AP3M2: variants seen among roughly 807,000 people sequenced by gnomAD.
AP3M2 encodes adaptor related protein complex 3 subunit mu 2.
In AP3M2, 28 loss-of-function variants were observed where a neutral mutation model predicts 41.6. That is an observed-to-expected ratio of 0.67 (90% CI 0.50 to 0.92). The LOEUF is 0.92. AP3M2 is among the 40% of genes least tolerant of loss of function. The probability of loss-of-function intolerance (pLI) is 0.00; values close to 1 mark genes in which losing one functional copy is unlikely to be tolerated. For missense variants in AP3M2, 427 were observed against 521.4 expected, an observed-to-expected ratio of 0.82 and a Z score of 1.76; for synonymous variants, 193 against 186.4, an observed-to-expected ratio of 1.04 and a Z score of -0.29.
At chr8:42,156,009 C>A (rs528889690) in intron 2 of AP3M2, 173 of 455,380 alleles carry the variant, frequency 3.8e-4, no homozygotes, top group Non-Finnish European at 5.6e-4. Flanking sequence ...AGTTCTCATG[C>A]AACATACCGG....
intron 6 of AP3M2, among the ~76,000 whole-genome samples, chr8:42,166,119 C>A (rs916702200): frequency 2.6e-5 from 4 of 152,198 alleles, no homozygotes; most frequent in African/African-American, 7.2e-5. Context: ...GGGAAAATAT[C>A]TGAGTGCTTG....
In AP3M2 at chr8:42,161,541, A is replaced by G. The variant is rs1024636573; in HGVS notation, c.446-740A>G. On this transcript the variant is annotated intron_variant, in intron 3 of 8. Coordinates refer to ENST00000396926, the MANE Select transcript of AP3M2 (RefSeq NM_006803.4). ...GGAGAATTGTTTGAACCCGGAAGGC[A>G]GAGGTTGCAGTAAGCCAAGACTGCA... Among the ~76,000 whole-genome samples the G allele has an allele frequency of 7.2e-5, 11 of 152,286 alleles. 1 individual carries two copies. In the South Asian group the frequency reaches 1.0e-3, roughly 14 times the overall value.
At chr8:42,154,569 G>A in intron 1 of AP3M2, 47 bp from the exon 2 acceptor site, 1 of 1,424,076 alleles carries the variant, frequency 7.0e-7, no homozygotes, top group Non-Finnish European at 9.4e-7. Flanking sequence ...AAGATGGGGA[G>A]GGCCTTTTGG....
Position 42,165,776 on chromosome 8 carries a change from G to C in AP3M2, c.803+216G>C. 3 of 505,066 alleles carry C rather than the reference G, an allele frequency of 5.9e-6. No individual in the cohort carries two copies. The South Asian group carries it at 9.6e-5, about 16-fold the overall frequency. 31.3% of individuals were successfully genotyped at this position (505,066 alleles called of 1,614,324 possible). On this transcript the variant is annotated intron_variant, in intron 6 of 8. Transcript: ENST00000396926. ...AATAATAAAAGTGCCTTGTTCTGAA[G>C]ATTGAATAAGAGAATCTGAATAGTG...
At chr8:42,156,404 A>G (rs1296227601) in intron 2 of AP3M2, among the ~76,000 whole-genome samples, 21 of 152,182 alleles carry the variant, frequency 1.4e-4, no homozygotes. Flanking sequence ...CTCCGGCAGC[A>G]TGATTTTTCC....
At chr8:42,167,441 A>G (rs1804671595) in intron 7 of AP3M2, 70 bp downstream of exon 7, 5 of 1,555,520 alleles carry the variant, frequency 3.2e-6, no homozygotes, top group Admixed American at 3.7e-5. Context: ...CTCTGTGTAG[A>G]CTCTAGACCT....
At chr8:42,167,393 T>G in intron 7 of AP3M2, 22 bp downstream of exon 7, 1 of 1,611,032 alleles carries the variant, frequency 6.2e-7, no homozygotes, top group Admixed American at 1.7e-5. Flanking sequence ...CAGGACATCT[T>G]GAATTGCTGA....
chr8:42,155,955 GT>G (rs923017722), intron 2 of AP3M2: 4 of 453,902 alleles, frequency 8.8e-6, no homozygotes, highest in Admixed American at 7.1e-5. Flanking sequence ...TACATTTTTT[GT>G]TTTTCCCTGC....
At chr8:42,159,169 T>A (rs1804440827) in intron 3 of AP3M2, among the ~76,000 whole-genome samples, 1 of 152,234 alleles carries the variant, frequency 6.6e-6, no homozygotes, top group Admixed American at 6.5e-5. Context: ...CTATTTATGA[T>A]GTTACTGATT....
At chr8:42,165,218 A>T in intron 5 of AP3M2, 62 bp downstream of exon 5, 8 of 1,547,786 alleles carry the variant, frequency 5.2e-6, no homozygotes, top group Non-Finnish European at 7.1e-6. Context: ...CTGGAAAGAC[A>T]GAGTAGTGGG....
rs188302619 is a variant in AP3M2 at position 42,168,561 on chromosome 8, T to C, written c.1157-400T>C. 7.9e-4 allele frequency among the ~76,000 whole-genome samples: 120 copies of C among 152,362 alleles called. 1 individual carries two copies. Among genetic ancestry groups the C allele is most frequent in the African/African-American group, 2.6e-3 (108 of 41,596 alleles). ...TCTTGGCTTAGTCTAGTGAGAATACTTAGGAAGCATTCATTTATTAATTAC... is the reference window on the plus strand; with the variant it reads ...TCTTGGCTTAGTCTAGTGAGAATACCTAGGAAGCATTCATTTATTAATTAC... On this transcript the variant is annotated intron_variant, in intron 8 of 8. Transcript: ENST00000396926.
At chr8:42,153,137 A>AG (rs36123268) in intron 1 of AP3M2, 32 bp downstream of exon 1, 15,369 of 149,898 alleles carry the variant, frequency 0.1, 994 homozygotes, top group East Asian at 0.18. Context: ...GAGCCTGGAG[A>AG]GGGGGCAGGA....
chr8:42,154,474 C>T (rs1396060438), intron 1 of AP3M2, 142 bp from the exon 2 acceptor site: 1 of 585,326 alleles, frequency 1.7e-6, no homozygotes, highest in Non-Finnish European at 2.9e-6. Context: ...GTTTCGAATT[C>T]AAGGGAGGGC....
chr8:42,159,113 T>C (rs1156438458), intron 3 of AP3M2, among the ~76,000 whole-genome samples: 1 of 152,168 alleles, frequency 6.6e-6, no homozygotes, highest in African/African-American at 2.4e-5. Flanking sequence ...TAATAATTTA[T>C]AGTTTTCTTC....
chr8:42,167,712 G>A lies in AP3M2; in HGVS notation c.1058G>A (p.Ser353Asn), dbSNP rs370011566. 2.7e-5 allele frequency: 43 copies of A among 1,613,688 alleles called. No individual in the cohort carries two copies. The African/African-American group carries it at 4.8e-4, about 18-fold the overall frequency. Reference protein sequence around the residue: ...VGKINPQKLPSLKGTMSLQAG... With the variant: ...VGKINPQKLPNLKGTMSLQAG... ...AAAATAAATCCACAAAAGCTACCAA[G>A]TTTGAAGGGGACCATGAGTCTTCAG... The change falls in exon 8 of 9, where the codon AGT becomes AAT. Residue 353 changes from serine (S) to asparagine (N), a missense_variant. Ser to Asn is a conservative substitution (Grantham distance 46). Transcript: ENST00000396926.
chr8:42,170,936 G>T lies in AP3M2; in HGVS notation c.*1875G>T, dbSNP rs1382457267. The T allele has an allele frequency of 6.6e-6, 1 of 152,186 alleles. No homozygotes were observed. The allele number at this position is 152,186 out of a possible 1,614,324, so 9.4% of individuals were successfully genotyped here. On this transcript the variant is annotated 3_prime_UTR_variant, in exon 9 of 9. Transcript: ENST00000396926. ...CCTCTAGAACTCATCCTGTTTCAAG[G>T]GAAGTACCTAAGAAGATATAGAGTG...
At chr8:42,155,304 T>G (rs550315082) in intron 2 of AP3M2, among the ~76,000 whole-genome samples, 1 of 152,222 alleles carries the variant, frequency 6.6e-6, no homozygotes, top group African/African-American at 2.4e-5. Flanking sequence ...TCTGCATTGC[T>G]TTGAGTTGCA....
rs775994764 is a variant in AP3M2 at position 42,156,052 on chromosome 8, C to T, written c.273+1092C>T. ...GCACAGTGAAAACGTAAGTATAAGT[C>T]CCAGTATGTGGAAGAACTAGAAGAA... is the stretch of plus-strand genomic sequence containing the variant. On this transcript the variant is annotated intron_variant, in intron 2 of 8. Transcript: ENST00000396926. The T allele has an allele frequency of 1.9e-5, 8 of 415,442 alleles. 1 individual carries two copies. Among genetic ancestry groups the T allele is most frequent in the South Asian group, 1.4e-4 (8 of 58,034 alleles). The allele number at this position is 415,442 out of a possible 1,614,324, so 25.7% of individuals were successfully genotyped here.
At chr8:42,157,631 G>GCC (rs202141149) in intron 2 of AP3M2, among the ~76,000 whole-genome samples, 3,002 of 117,196 alleles carry the variant, frequency 0.026, 93 homozygotes, top group African/African-American at 0.099. Flanking sequence ...TTGTTGATAA[G>GCC]CACATAATCA....
Sources: gnomAD v4.1 joint callset for allele counts (sites outside exome capture counted in the v4.1 genomes callset) on GRCh38, gnomAD v4.1.1 for gene constraint, MANE v1.5 for transcripts, NCBI Gene and HGNC (gene_info 2026-07-23, HGNC 2026-07-21) for gene names.